C11orf65: variants seen among roughly 807,000 people sequenced by gnomAD.
The protein encoded by C11orf65 is protein MFI.
Under a neutral mutation model 35.3 loss-of-function variants are expected in C11orf65, and 38 were observed. The observed-to-expected ratio is 1.08, with a 90% confidence interval of 0.83 to 1.41. C11orf65 has a LOEUF of 1.41. Among genes scored for constraint, C11orf65 ranks in the 40% most tolerant of loss-of-function variants. C11orf65 has a pLI of 0.00. For synonymous variants in C11orf65, 105 were observed against 114.4 expected (o/e 0.92, Z 0.53); for missense variants, 370 against 367.1 (o/e 1.01, Z -0.06).
chr11:108,313,366 CACAG>C (rs766866217), intron 6 of C11orf65, among the ~76,000 whole-genome samples: 2 of 152,198 alleles, frequency 1.3e-5, no homozygotes, highest in Non-Finnish European at 1.5e-5. Flanking sequence ...TCCTTCCTCT[CACAG>C]ACAAACTTTG....
intron 2 of C11orf65, among the ~76,000 whole-genome samples, chr11:108,448,533 A>T (rs535415662): frequency 1.3e-5 from 2 of 152,148 alleles, no homozygotes; most frequent in Non-Finnish European, 2.9e-5. Context: ...AAGACAAAAA[A>T]CACATGATTA....
At chr11:108,400,196 G>A (rs545971591) in intron 6 of C11orf65, among the ~76,000 whole-genome samples, 1 of 152,314 alleles carries the variant, frequency 6.6e-6, no homozygotes, top group South Asian at 2.1e-4. Context: ...TCGAGAGAGG[G>A]CCTCTAAGTG....
intron 2 of C11orf65, among the ~76,000 whole-genome samples, chr11:108,437,629 G>A (rs1021860520): frequency 4.1e-5 from 6 of 146,740 alleles, no homozygotes; most frequent in Non-Finnish European, 7.4e-5. Flanking sequence ...GCTTGAATCC[G>A]GGAGGCAGAG....
Position 108,345,832 on chromosome 11 carries a change from G to A in C11orf65, c.227-10540C>T, listed in dbSNP as rs2137032109. 1 of 1,613,868 alleles carries A rather than the reference G, an allele frequency of 6.2e-7. No homozygotes were observed. Among genetic ancestry groups the A allele is most frequent in the Non-Finnish European group, 8.5e-7 (1 of 1,179,862 alleles). On this transcript the variant is annotated intron_variant, in intron 2 of 3. Coordinates refer to the C11orf65 transcript ENST00000524755. ...AACCAGTTTTCCGTTACTTCTGCAT[G>A]GAAAAATTCTTGGATCCAGCTATTT...
At position 108,332,007 on chromosome 11, in the gene C11orf65, T is replaced by G. The variant is rs2136526693; in HGVS notation, c.300-440A>C. The G allele has an allele frequency of 6.2e-7, 1 of 1,614,020 alleles. No individual in the cohort carries two copies. Among genetic ancestry groups the G allele is most frequent in the Non-Finnish European group, 8.5e-7 (1 of 1,179,946 alleles). On this transcript the variant is annotated intron_variant, in intron 3 of 3. Transcript: ENST00000524755. ...CCAGAAGAAGCAGAATAACTAAAAATGTGCCTAAACAAAGCTCTCAGCTTG... is the reference window on the plus strand; with the variant it reads ...CCAGAAGAAGCAGAATAACTAAAAAGGTGCCTAAACAAAGCTCTCAGCTTG...
intron 2 of C11orf65, among the ~76,000 whole-genome samples, chr11:108,338,209 G>T (rs561135624): frequency 6.6e-6 from 1 of 152,130 alleles, no homozygotes; most frequent in Admixed American, 6.5e-5. Flanking sequence ...AAATTAGCCA[G>T]GCGTGGTGGC....
intron 2 of C11orf65, among the ~76,000 whole-genome samples, chr11:108,375,845 G>A (rs1472814990): frequency 2.6e-5 from 4 of 152,052 alleles, no homozygotes; most frequent in African/African-American, 9.7e-5. Context: ...ACTAGTCTCT[G>A]ATAAAACAGA....
At chr11:108,354,255 C>T (rs2089607747) in intron 2 of C11orf65, among the ~76,000 whole-genome samples, 1 of 152,182 alleles carries the variant, frequency 6.6e-6, no homozygotes, top group Non-Finnish European at 1.5e-5. Flanking sequence ...AACATACATA[C>T]TGTTATTCCA....
intron 2 of C11orf65, among the ~76,000 whole-genome samples, chr11:108,445,805 C>T (rs2093245907): frequency 6.6e-6 from 1 of 152,008 alleles, no homozygotes; most frequent in South Asian, 2.1e-4. Context: ...AAGAAGGCTT[C>T]AGACGATCAA....
chr11:108,322,040 A>G (rs1417627396), intron 6 of C11orf65, among the ~76,000 whole-genome samples: 2 of 152,190 alleles, frequency 1.3e-5, no homozygotes, highest in African/African-American at 4.8e-5. Context: ...TTAGCACTAC[A>G]TTGTATTACT....
intron 2 of C11orf65, among the ~76,000 whole-genome samples, chr11:108,357,206 C>T (rs890704057): frequency 1.3e-5 from 2 of 152,212 alleles, no homozygotes; most frequent in Non-Finnish European, 2.9e-5. Context: ...AAAATCGGGT[C>T]ACTCCCACCC....
downstream of C11orf65, among the ~76,000 whole-genome samples, chr11:108,381,261 T>C (rs2091859838): frequency 6.6e-6 from 1 of 152,198 alleles, no homozygotes; most frequent in East Asian, 1.9e-4. Flanking sequence ...TGGGAATTTG[T>C]GCTTCTTGTT....
intron 7 of C11orf65, among the ~76,000 whole-genome samples, chr11:108,390,021 T>C (rs1056425253): frequency 1.3e-5 from 2 of 148,546 alleles, no homozygotes; most frequent in Non-Finnish European, 3.0e-5. Context: ...TTTTATTTTT[T>C]ATTTATTTAT....
At chr11:108,433,574 C>A (rs969995785) in intron 2 of C11orf65, among the ~76,000 whole-genome samples, 1 of 149,044 alleles carries the variant, frequency 6.7e-6, no homozygotes, top group Non-Finnish European at 1.5e-5. Flanking sequence ...AGTGAGACTC[C>A]GTCTCAAAAC....
intron 1 of C11orf65, among the ~76,000 whole-genome samples, chr11:108,466,728 C>A (rs1396994951): frequency 6.6e-6 from 1 of 152,142 alleles, no homozygotes; most frequent in East Asian, 1.9e-4. Flanking sequence ...AATTTTTTAT[C>A]ATAATAGATG....
chr11:108,399,791 G>T (rs901266529), intron 6 of C11orf65, among the ~76,000 whole-genome samples: 1 of 152,134 alleles, frequency 6.6e-6, no homozygotes, highest in African/African-American at 2.4e-5. Context: ...TAAATCCCAG[G>T]TCAGTCCATG....
At chr11:108,339,229 A>G (rs970733917) in intron 2 of C11orf65, among the ~76,000 whole-genome samples, 2 of 152,206 alleles carry the variant, frequency 1.3e-5, no homozygotes, top group Non-Finnish European at 2.9e-5. Context: ...GAACAAGTCT[A>G]AAATCTTAGG....
chr11:108,335,560 A>G (rs2086748023), intron 2 of C11orf65, among the ~76,000 whole-genome samples: 2 of 152,186 alleles, frequency 1.3e-5, no homozygotes, highest in South Asian at 4.1e-4. Context: ...AGTGGTGGAA[A>G]GACACAGTGC....
intron 2 of C11orf65, chr11:108,368,496 CTGGAGAAATCAGAATT>C (rs1198637493): frequency 4.7e-6 from 1 of 214,650 alleles, no homozygotes; most frequent in Non-Finnish European, 9.4e-6. Flanking sequence ...CAATACACTG[CTGGAGAAATCAGAATT>C]TGGAGAAATA....
Sources: allele counts gnomAD v4.1 joint callset (sites outside exome capture counted in the v4.1 genomes callset), GRCh38; gene constraint gnomAD v4.1.1; transcripts MANE v1.5; gene names NCBI Gene and HGNC (gene_info 2026-07-23, HGNC 2026-07-21).